The following SP4 variants were observed in gnomAD, a reference collection of about 807,000 sequenced individuals.
SP4 encodes the protein transcription factor Sp4.
In SP4, 19 loss-of-function variants were observed where a neutral mutation model predicts 72.8. The observed-to-expected ratio is 0.26, with a 90% CI of 0.18 to 0.38. The LOEUF (loss-of-function observed/expected upper bound fraction) is 0.38, where lower values mean the gene tolerates loss of function less well. Among genes scored for constraint, SP4 ranks in the 10% least tolerant of loss-of-function variants. The pLI, the probability that SP4 is intolerant of heterozygous loss-of-function variation, is 1.00. For synonymous variants in SP4, 395 were observed against 333.1 expected (o/e 1.19, Z -2.02); for missense variants, 1,008 against 926.3 (o/e 1.09, Z -1.14).
intron 5 of SP4, among the ~76,000 whole-genome samples, chr7:21,489,625 T>A (rs1475119733): frequency 6.8e-6 from 1 of 147,972 alleles, no homozygotes; most frequent in African/African-American, 2.5e-5. Context: ...AGTGGCATGA[T>A]CTTGGCTCAC....
chr7:21,470,769 A>T (rs1034549834), intron 3 of SP4, among the ~76,000 whole-genome samples: 1 of 146,150 alleles, frequency 6.8e-6, no homozygotes, highest in African/African-American at 2.5e-5. Context: ...AAAAAAAAAA[A>T]GCAGAACAAA....
chr7:21,456,264 A>T (rs561789876), intron 3 of SP4, among the ~76,000 whole-genome samples: 1 of 152,202 alleles, frequency 6.6e-6, no homozygotes, highest in Admixed American at 6.5e-5. Context: ...AGGGCCTCAG[A>T]GTGAAGCCCT....
intron 3 of SP4, among the ~76,000 whole-genome samples, chr7:21,438,157 G>T (rs1042429755): frequency 3.9e-5 from 6 of 151,968 alleles, no homozygotes; most frequent in Admixed American, 3.3e-4. Flanking sequence ...GATGTTCATC[G>T]GTCAAAGATT....
At chr7:21,494,883 A>G (rs1229937307) in intron 5 of SP4, among the ~76,000 whole-genome samples, 1 of 152,198 alleles carries the variant, frequency 6.6e-6, no homozygotes, top group Non-Finnish European at 1.5e-5. Context: ...CTGTAAAGCT[A>G]CACTAATCAA....
Position 21,481,967 on chromosome 7 carries a change from A to G in SP4, c.1951A>G (p.Ile651Val). 1 of 1,614,098 alleles carries G rather than the reference A, an allele frequency of 6.2e-7. No individual in the cohort carries two copies. The highest frequency in any genetic ancestry group is 8.5e-7 in the Non-Finnish European group (1 of 1,179,960). The stretch of plus-strand genomic sequence containing the variant: ...AAAAAAGAAGCAGCATATCTGTCAT[A>G]TTGAAGGATGTGGTAAAGTTTATGG... ...PGKKKQHICH[I>V]EGCGKVYGKT... The change falls in exon 5 of 6, where the codon ATT becomes GTT. Residue 651 changes from isoleucine to valine, a missense_variant. Physicochemically the swap from Ile to Val is conservative, Grantham distance 29 (BLOSUM62 3). This residue lies in a region of SP4 where 48 missense variants were observed against 117.0 expected (regional missense o/e 0.41). Transcript: ENST00000222584.
intron 3 of SP4, among the ~76,000 whole-genome samples, chr7:21,439,283 C>A (rs1783153487): frequency 6.6e-6 from 1 of 151,480 alleles, no homozygotes; most frequent in African/African-American, 2.4e-5. Flanking sequence ...GTAAATTTGT[C>A]AGTTTTCCCT....
rs1251116922 is a variant in SP4 at position 21,429,569 on chromosome 7, C to T, written c.404C>T (p.Ala135Val). 1.2e-6 allele frequency: 2 copies of T among 1,614,002 alleles called. No homozygotes were observed. Among genetic ancestry groups the T allele is most frequent in the Non-Finnish European group, 1.7e-6 (2 of 1,179,960 alleles). ...SSSSSSNNGSASPTKTKSGNS... is the reference protein window; with the variant it reads ...SSSSSSNNGSVSPTKTKSGNS... ...TCTTCCAGCAGTAATAACGGGAGTGCATCTCCTACAAAAACTAAATCAGGT... is the reference window on the plus strand; with the variant it reads ...TCTTCCAGCAGTAATAACGGGAGTGTATCTCCTACAAAAACTAAATCAGGT... Residue 135 changes from alanine to valine, a missense_variant, in exon 3 of 6, where the codon GCA becomes GTA. Ala to Val is a moderately conservative substitution (Grantham distance 64). Transcript: ENST00000222584.
intron 3 of SP4, among the ~76,000 whole-genome samples, chr7:21,437,507 T>G (rs905412726): frequency 5.9e-5 from 9 of 152,206 alleles, no homozygotes; most frequent in Non-Finnish European, 1.2e-4. Flanking sequence ...TTTGACATTT[T>G]TTTTTCAAAT....
At chr7:21,490,884 G>A (rs1361566685) in intron 5 of SP4, among the ~76,000 whole-genome samples, 1 of 152,232 alleles carries the variant, frequency 6.6e-6, no homozygotes, top group African/African-American at 2.4e-5. Context: ...CTCAAAGAGG[G>A]CAAGATGGAA....
At chr7:21,442,034 G>A (rs56920545) in intron 3 of SP4, among the ~76,000 whole-genome samples, 4,697 of 37,486 alleles carry the variant, frequency 0.13, 318 homozygotes, top group East Asian at 0.44. Flanking sequence ...GTGTGTGTGT[G>A]TGTATTTTTT....
intron 5 of SP4, among the ~76,000 whole-genome samples, chr7:21,486,977 G>T (rs7792280): frequency 0.68 from 102,934 of 152,114 alleles, 35,158 homozygotes; most frequent in East Asian, 0.82. Context: ...GCCTGCAGCA[G>T]TTATTACTGT....
At chr7:21,503,312 C>T (rs947148265) in intron 5 of SP4, among the ~76,000 whole-genome samples, 13 of 152,156 alleles carry the variant, frequency 8.5e-5, no homozygotes, top group Admixed American at 6.5e-4. Context: ...TATAGGAGCC[C>T]ATATAATGAC....
intron 3 of SP4, among the ~76,000 whole-genome samples, chr7:21,455,442 C>T (rs1783731755): frequency 6.6e-6 from 1 of 152,114 alleles, no homozygotes; most frequent in Admixed American, 6.6e-5. Flanking sequence ...CATGATTACC[C>T]ATCTGTGAAG....
At chr7:21,510,261 G>A (rs891066411) in intron 5 of SP4, among the ~76,000 whole-genome samples, 3 of 152,068 alleles carry the variant, frequency 2.0e-5, no homozygotes, top group African/African-American at 7.2e-5. Context: ...GAAGATCTAC[G>A]GCTAACAGTT....
At chr7:21,430,952 A>G (rs1284291606) in intron 3 of SP4, 109 bp downstream of exon 3, 22 of 743,114 alleles carry the variant, frequency 3.0e-5, no homozygotes, top group Non-Finnish European at 4.8e-5. Context: ...TAAACACACA[A>G]TCATAAGGAA....
At position 21,463,928 on chromosome 7, in the gene SP4, A is replaced by G. The variant is rs184509246; in HGVS notation, c.1679-13151A>G. 4.2e-3 allele frequency among the ~76,000 whole-genome samples: 639 copies of G among 152,292 alleles called. 6 individuals are homozygous for G. Among genetic ancestry groups the G allele is most frequent in the Middle Eastern group, 6.8e-3 (2 of 294 alleles). ...TAGTTTAGCCACTTAAATCTTGATC[A>G]AGTGTTTCTCTAGGTCTGACTGTCC... is the stretch of plus-strand genomic sequence containing the variant. On this transcript the variant is annotated intron_variant, in intron 3 of 5. Transcript: ENST00000222584.
chr7:21,452,969 A>G (rs1312041468), intron 3 of SP4, among the ~76,000 whole-genome samples: 1 of 151,912 alleles, frequency 6.6e-6, no homozygotes, highest in Non-Finnish European at 1.5e-5. Context: ...TTTAGTAGAG[A>G]CGGTTTCACC....
At chr7:21,469,415 C>G (rs534800114) in intron 3 of SP4, among the ~76,000 whole-genome samples, 1 of 151,778 alleles carries the variant, frequency 6.6e-6, no homozygotes, top group African/African-American at 2.4e-5. Context: ...ATGCTTTGTT[C>G]TTAAAATCAG....
At chr7:21,434,699 C>T (rs61301602) in intron 3 of SP4, among the ~76,000 whole-genome samples, 2,054 of 152,216 alleles carry the variant, frequency 0.013, 44 homozygotes, top group East Asian at 0.077. Flanking sequence ...TTTTAGTGTA[C>T]CCATCACCGA....
Sources: allele counts gnomAD v4.1 joint callset (sites outside exome capture counted in the v4.1 genomes callset), GRCh38; gene constraint gnomAD v4.1.1; regional missense constraint gnomAD v4.1.1; transcripts MANE v1.5; gene names NCBI Gene and HGNC (gene_info 2026-07-23, HGNC 2026-07-21).